The following TMEM17 variants were observed in gnomAD, a reference collection of about 807,000 sequenced individuals.
TMEM17 encodes transmembrane protein 17.
TMEM17 carries 15 observed loss-of-function variants against 19.1 expected under a neutral mutation model. That is an observed-to-expected ratio of 0.78 (90% CI 0.52 to 1.21). The LOEUF (loss-of-function observed/expected upper bound fraction) is 1.21. TMEM17 is among the 50% of genes most tolerant of loss of function. TMEM17 has a pLI of 0.00. For missense variants in TMEM17, 245 were observed against 242.3 expected, an observed-to-expected ratio of 1.01 and a Z score of -0.07; for synonymous variants, 103 against 86.9, an observed-to-expected ratio of 1.19 and a Z score of -1.03.
chr2:62,504,641 A>G (rs1680018312), intron 1 of TMEM17, among the ~76,000 whole-genome samples: 1 of 152,244 alleles, frequency 6.6e-6, no homozygotes, highest in African/African-American at 2.4e-5. Context: ...AAATTTTGCA[A>G]AAGTTCAAGT....
chr2:62,460,376 G>A, the TMEM17 span, among the ~76,000 whole-genome samples: 1 of 152,210 alleles, frequency 6.6e-6, no homozygotes, highest in South Asian at 2.1e-4. Context: ...CGTGGCTGCT[G>A]GGTCTTTGTC....
chr2:62,465,231 G>T, the TMEM17 span, among the ~76,000 whole-genome samples: 1,874 of 152,240 alleles, frequency 0.012, 43 homozygotes, highest in African/African-American at 0.043. Context: ...AGATGGAGTT[G>T]GTTAGGTCAG....
At chr2:62,505,914 G>A (rs934025163) in intron 1 of TMEM17, 116 bp downstream of exon 1, 44 of 1,041,338 alleles carry the variant, frequency 4.2e-5, no homozygotes, top group Non-Finnish European at 5.4e-5. Context: ...CCGCACTGCG[G>A]AGAACTGGCT....
At chr2:62,505,930 C>T (rs528627002) in intron 1 of TMEM17, 100 bp downstream of exon 1, 32 of 1,132,334 alleles carry the variant, frequency 2.8e-5, no homozygotes, top group Middle Eastern at 1.9e-4. Context: ...TGGCTGAAGG[C>T]GACATCGCCA....
At position 62,506,044 on chromosome 2, in the gene TMEM17, G is replaced by C; in HGVS notation, c.86C>G (p.Ser29Cys). ...CGGTCACTCACCCGGACCCTCATTG[G>C]ACTCTGGACCGGTCCGATTGGAATC... The part of the protein sequence containing the change: ...FSDSNRTGPE[S>C]NEGPENEMVS... The change falls in exon 1 of 4, where the codon TCC becomes TGC. Residue 29 changes from serine (S) to cysteine (C), a missense_variant. Physicochemically the swap from Ser to Cys is moderately radical, Grantham distance 112. Transcript: ENST00000335390. 6.2e-7 allele frequency: 1 copy of C among 1,610,754 alleles called. No individual in the cohort carries two copies. The highest frequency in any genetic ancestry group is 8.5e-7 in the Non-Finnish European group (1 of 1,178,720).
rs777342562 is a variant in TMEM17, at chr2:62,501,380, C to T, written c.426G>A (p.Ala142=). 1.6e-5 allele frequency: 26 copies of T among 1,614,058 alleles called. No individual in the cohort carries two copies. The highest frequency in any genetic ancestry group is 6.7e-5 in the African/African-American group (5 of 74,916). Residue 142 remains alanine, a synonymous_variant, in exon 4 of 4, where the codon GCG becomes GCA. Transcript: ENST00000335390. ...GGAAGAGAGTGAAGATGATATGTATCGCTTTTTCCAAGGGCAGATTTGTTA... is the reference window on the plus strand; with the variant it reads ...GGAAGAGAGTGAAGATGATATGTATTGCTTTTTCCAAGGGCAGATTTGTTA... ...EGLTNLPLEK[A]IHIIFTLFLA...
the TMEM17 span, among the ~76,000 whole-genome samples, chr2:62,478,779 TAA>T: frequency 6.6e-6 from 1 of 152,140 alleles, no homozygotes; most frequent in Non-Finnish European, 1.5e-5. Flanking sequence ...AATTAAAAGA[TAA>T]GTTTTAAAAA....
the TMEM17 span, among the ~76,000 whole-genome samples, chr2:62,475,174 G>A: frequency 6.6e-6 from 1 of 152,202 alleles, no homozygotes; most frequent in Non-Finnish European, 1.5e-5. Flanking sequence ...ATTTCCTGGG[G>A]TGTTTTCAGC....
At chr2:62,499,683 A>T (rs1679870657), downstream of TMEM17, among the ~76,000 whole-genome samples, 1 of 152,208 alleles carries the variant, frequency 6.6e-6, no homozygotes, top group Non-Finnish European at 1.5e-5. Context: ...TGGGAATCCT[A>T]AGATAAGCAT....
the TMEM17 span, among the ~76,000 whole-genome samples, chr2:62,487,768 C>A: frequency 1.3e-5 from 2 of 152,238 alleles, no homozygotes; most frequent in African/African-American, 4.8e-5. Context: ...GATCTCGGCT[C>A]ACTGCAACCT....
the TMEM17 span, among the ~76,000 whole-genome samples, chr2:62,455,905 TATG>T: frequency 2.6e-5 from 4 of 152,260 alleles, no homozygotes; most frequent in Non-Finnish European, 4.4e-5. Flanking sequence ...TCCTAGTGAG[TATG>T]AAGTGGTATC....
chr2:62,454,767 G>C, the TMEM17 span, among the ~76,000 whole-genome samples: 165 of 152,182 alleles, frequency 1.1e-3, 2 homozygotes, highest in Middle Eastern at 6.8e-3. Flanking sequence ...GCAGTGGCAC[G>C]ATCTCAGCTC....
At chr2:62,459,320 G>C in the TMEM17 span, among the ~76,000 whole-genome samples, 24 of 152,296 alleles carry the variant, frequency 1.6e-4, no homozygotes, top group East Asian at 1.9e-3. Flanking sequence ...CCTTACTTAC[G>C]TCACTGAAAT....
At chr2:62,480,228 C>G in the TMEM17 span, among the ~76,000 whole-genome samples, 3 of 151,770 alleles carry the variant, frequency 2.0e-5, no homozygotes, top group African/African-American at 7.3e-5. Flanking sequence ...TGAGAAATGT[C>G]TACTCAGATC....
the TMEM17 span, among the ~76,000 whole-genome samples, chr2:62,488,388 C>T: frequency 6.6e-6 from 1 of 151,804 alleles, no homozygotes; most frequent in East Asian, 1.9e-4. Flanking sequence ...AAAACCATGG[C>T]CCTGATACTG....
At chr2:62,462,421 A>T in the TMEM17 span, among the ~76,000 whole-genome samples, 1 of 152,142 alleles carries the variant, frequency 6.6e-6, no homozygotes, top group East Asian at 1.9e-4. Context: ...TTGGCTTCCC[A>T]TTCTGGCTTG....
chr2:62,492,778 T>C, the TMEM17 span, among the ~76,000 whole-genome samples: 4 of 152,188 alleles, frequency 2.6e-5, no homozygotes, highest in African/African-American at 9.7e-5. Flanking sequence ...CAGAATTCCA[T>C]AGAAGATGTG....
chr2:62,503,352 T>C (rs1424857003), intron 1 of TMEM17, among the ~76,000 whole-genome samples: 1 of 152,140 alleles, frequency 6.6e-6, no homozygotes, highest in Non-Finnish European at 1.5e-5. Flanking sequence ...CAGAAATACC[T>C]TTCCCCTTTA....
At chr2:62,483,498 G>A in the TMEM17 span, among the ~76,000 whole-genome samples, 2 of 152,160 alleles carry the variant, frequency 1.3e-5, no homozygotes, top group Admixed American at 6.5e-5. Context: ...AACAGACAAA[G>A]CAAATAGATG....
Sources: gnomAD v4.1 joint callset for allele counts (sites outside exome capture counted in the v4.1 genomes callset) on GRCh38, gnomAD v4.1.1 for gene constraint, MANE v1.5 for transcripts, NCBI Gene and HGNC (gene_info 2026-07-23, HGNC 2026-07-21) for gene names.